The following ADCY2 variants were observed in gnomAD, a reference collection of about 807,000 sequenced individuals.
ADCY2 encodes the protein adenylate cyclase 2.
Under a neutral mutation model 125.2 loss-of-function variants are expected in ADCY2, and 31 were observed. The observed-to-expected ratio is 0.25, with a 90% CI of 0.19 to 0.33. ADCY2 has a LOEUF of 0.33. ADCY2 is among the 10% of genes least tolerant of loss of function. The pLI is 1.00. For missense variants in ADCY2, 904 were observed against 1,418.2 expected (o/e 0.64, Z 5.82); for synonymous variants, 512 against 548.4 (o/e 0.93, Z 0.93).
rs558108815 is a variant in ADCY2, at chr5:7,495,331, G to A, written c.409-25407G>A. ...CCTGTATCTCTGTGTCAGGAATTTC[G>A]AGCTTCATTGCATCATCAAGCTCTT... On this transcript the variant is annotated intron_variant, in intron 2 of 24. Coordinates refer to ENST00000338316, the MANE Select transcript of ADCY2 (RefSeq NM_020546.3). Among the ~76,000 whole-genome samples, 46 of 152,266 alleles carry A rather than the reference G, an allele frequency of 3.0e-4. No individual in the cohort carries two copies. In the South Asian group the frequency reaches 7.3e-3, roughly 24 times the overall value.
chr5:7,611,327 G>T (rs1299369066), intron 3 of ADCY2, among the ~76,000 whole-genome samples: 2 of 152,106 alleles, frequency 1.3e-5, no homozygotes, highest in African/African-American at 2.4e-5. Context: ...ATTTGTTAAA[G>T]TTCATTTTAT....
chr5:7,586,173 T>A (rs891302588), intron 3 of ADCY2, among the ~76,000 whole-genome samples: 1 of 152,208 alleles, frequency 6.6e-6, no homozygotes, highest in Non-Finnish European at 1.5e-5. Context: ...TATCACTATA[T>A]TTAGAAAGGG....
At chr5:7,496,225 A>G (rs150910954) in intron 2 of ADCY2, among the ~76,000 whole-genome samples, 75 of 152,350 alleles carry the variant, frequency 4.9e-4, no homozygotes, top group African/African-American at 1.7e-3. Flanking sequence ...AGCAAGATAA[A>G]AAATCAAAAG....
rs141793755 is a variant in ADCY2 at position 7,811,592 on chromosome 5, T to C, written c.2884-5274T>C. On this transcript the variant is annotated intron_variant, in intron 22 of 24. Transcript: ENST00000338316. ...TATTTTATCCAAATATTATCTAAAA[T>C]AAATATATAATTTTAGTTACTTATT... Among the ~76,000 whole-genome samples the C allele has an allele frequency of 8.3e-4, 126 of 152,254 alleles. 1 individual carries two copies. In the East Asian group the frequency reaches 0.024, roughly 29 times the overall value.
chr5:7,429,825 G>C (rs537167985), intron 2 of ADCY2, among the ~76,000 whole-genome samples: 1 of 152,272 alleles, frequency 6.6e-6, no homozygotes, highest in South Asian at 2.1e-4. Context: ...ACTGAAATCA[G>C]TAACTTGAAC....
intron 2 of ADCY2, among the ~76,000 whole-genome samples, chr5:7,438,103 C>G (rs1343295339): frequency 6.6e-6 from 1 of 152,194 alleles, no homozygotes; most frequent in Admixed American, 6.5e-5. Context: ...TGGCTAGAGG[C>G]ATTTCTTACA....
At chr5:7,530,079 TCA>T (rs1734591769) in intron 3 of ADCY2, among the ~76,000 whole-genome samples, 1 of 152,176 alleles carries the variant, frequency 6.6e-6, no homozygotes, top group Non-Finnish European at 1.5e-5. Flanking sequence ...TTTAGCTTGC[TCA>T]GTTTTCCAAT....
intron 22 of ADCY2, among the ~76,000 whole-genome samples, chr5:7,806,742 G>A (rs1744773040): frequency 6.6e-6 from 1 of 152,186 alleles, no homozygotes; most frequent in Non-Finnish European, 1.5e-5. Flanking sequence ...TCTGTCTTCA[G>A]TACAGTCACC....
At chr5:7,663,897 G>A (rs1185748939) in intron 4 of ADCY2, among the ~76,000 whole-genome samples, 4 of 152,148 alleles carry the variant, frequency 2.6e-5, no homozygotes, top group Non-Finnish European at 4.4e-5. Flanking sequence ...TCTCTAAACT[G>A]GGAATTGCAG....
At chr5:7,748,519 AACACACACACACACACACAC>A (rs35989915) in intron 15 of ADCY2, among the ~76,000 whole-genome samples, 1 of 90,114 alleles carries the variant, frequency 1.1e-5, no homozygotes, top group Non-Finnish European at 2.3e-5. Flanking sequence ...CCCACCCTCC[AACACACACACACACACACAC>A]ACACACACAC....
intron 2 of ADCY2, among the ~76,000 whole-genome samples, chr5:7,470,374 C>T (rs1742289374): frequency 6.6e-6 from 1 of 151,478 alleles, no homozygotes; most frequent in Non-Finnish European, 1.5e-5. Flanking sequence ...TTTCTTTTTA[C>T]ATTTTGTTTA....
chr5:7,756,067 C>T (rs1742983115), intron 15 of ADCY2, among the ~76,000 whole-genome samples: 1 of 152,200 alleles, frequency 6.6e-6, no homozygotes, highest in Non-Finnish European at 1.5e-5. Flanking sequence ...GCCTTGGGAC[C>T]ACAGGCCCGT....
At position 7,472,014 on chromosome 5, in the gene ADCY2, G is replaced by A. The variant is rs193001186; in HGVS notation, c.409-48724G>A. On this transcript the variant is annotated intron_variant, in intron 2 of 24. Coordinates refer to ENST00000338316, the MANE Select transcript of ADCY2 (RefSeq NM_020546.3). ...TCAGTGGCTTGAAATTGATGTGTTT[G>A]GATTTTATTTCATTTTATTTTCACT... Among the ~76,000 whole-genome samples the A allele has an allele frequency of 2.0e-3, 298 of 151,872 alleles. 4 individuals are homozygous for A. Among genetic ancestry groups the A allele is most frequent in the African/African-American group, 6.6e-3 (275 of 41,458 alleles).
At chr5:7,764,950 G>T (rs1002900392) in intron 16 of ADCY2, among the ~76,000 whole-genome samples, 10 of 152,178 alleles carry the variant, frequency 6.6e-5, no homozygotes, top group African/African-American at 2.4e-4. Flanking sequence ...AGAGTTTCTT[G>T]AATTTACGGG....
chr5:7,753,871 T>G (rs1410536841), intron 15 of ADCY2, among the ~76,000 whole-genome samples: 1 of 152,182 alleles, frequency 6.6e-6, no homozygotes, highest in Non-Finnish European at 1.5e-5. Context: ...TGCCTACCAA[T>G]TTTTACACTT....
In ADCY2 at chr5:7,827,807, A is replaced by ACTT. The variant is rs1205395233; in HGVS notation, c.*937_*939dup. The stretch of plus-strand genomic sequence containing the variant: ...CTAGAGAACGCTTTCAGGGAAAAAT[A>ACTT]CTTTAATAGTAAAAAGATTCTCTGC... On this transcript the variant is annotated 3_prime_UTR_variant, in exon 25 of 25. Transcript: ENST00000338316. The ACTT allele has an allele frequency of 6.6e-6, 1 of 152,372 alleles. No homozygotes were observed. Among genetic ancestry groups the ACTT allele is most frequent in the Non-Finnish European group, 1.5e-5 (1 of 68,042 alleles). 9.4% of individuals were successfully genotyped at this position (152,372 alleles called of 1,614,324 possible).
chr5:7,812,012 C>A (rs1158066874), intron 22 of ADCY2, among the ~76,000 whole-genome samples: 1 of 152,108 alleles, frequency 6.6e-6, no homozygotes, highest in Non-Finnish European at 1.5e-5. Context: ...ACCGGGAGTA[C>A]AAACAGCAAT....
chr5:7,804,040 A>AGAGAGAGAGAGAGAG lies in ADCY2; in HGVS notation c.2776-545_2776-544insGAGAGAGAGAGAGAG, dbSNP rs1744682437. ...TCTTAGGCCTCCCATGGAGGGGGGAAAGAGAGAGAGAGAGAGAGAGAGAGA... is the reference window on the plus strand; with the variant it reads ...TCTTAGGCCTCCCATGGAGGGGGGAAGAGAGAGAGAGAGAGAGAGAGAGAGAGAGAGAGAGAGAGA... On this transcript the variant is annotated intron_variant, in intron 21 of 24. Coordinates refer to ENST00000338316, the MANE Select transcript of ADCY2 (RefSeq NM_020546.3). 8.4e-5 allele frequency among the ~76,000 whole-genome samples: 9 copies of AGAGAGAGAGAGAGAG among 106,584 alleles called. 1 individual carries two copies. The highest frequency in any genetic ancestry group is 1.1e-4 in the African/African-American group (3 of 26,934). 69.9% of individuals were successfully genotyped at this position (106,584 alleles called of 152,430 possible).
At chr5:7,495,856 G>A (rs1300332543) in intron 2 of ADCY2, among the ~76,000 whole-genome samples, 2 of 152,188 alleles carry the variant, frequency 1.3e-5, no homozygotes, top group African/African-American at 4.8e-5. Context: ...CCAGTCAGTG[G>A]AAAGTTTTCA....
Sources: allele counts gnomAD v4.1 joint callset (sites outside exome capture counted in the v4.1 genomes callset), GRCh38; gene constraint gnomAD v4.1.1; transcripts MANE v1.5; gene names NCBI Gene and HGNC (gene_info 2026-07-23, HGNC 2026-07-21).